Variants in DENND5A observed in about 807,000 individuals in gnomAD.
DENND5A encodes DENN domain containing 5A, also known as DENN domain-containing protein 5A.
DENND5A carries 64 observed loss-of-function variants against 140.3 expected under a neutral mutation model. That is an observed-to-expected ratio of 0.46 (90% CI 0.37 to 0.56). The LOEUF (loss-of-function observed/expected upper bound fraction) is 0.56, where lower values mean the gene tolerates loss of function less well. DENND5A is among the 20% of genes least tolerant of loss of function. The probability of loss-of-function intolerance (pLI) is 0.00; values close to 1 mark genes in which losing one functional copy is unlikely to be tolerated. For synonymous variants in DENND5A, 605 were observed against 607.7 expected (o/e 1.00, Z 0.07); for missense variants, 1,292 against 1,593.8 (o/e 0.81, Z 3.22).
intron 9 of DENND5A, 91 bp from the exon 10 acceptor site, chr11:9,170,040 T>A (rs1848320589): frequency 4.0e-6 from 4 of 990,502 alleles, no homozygotes; most frequent in Admixed American, 3.5e-5. Flanking sequence ...TGACTACGAG[T>A]CAATGCTGGA....
chr11:9,262,907 A>C (rs1292163009), intron 1 of DENND5A, among the ~76,000 whole-genome samples: 1 of 151,344 alleles, frequency 6.6e-6, no homozygotes, highest in African/African-American at 2.4e-5. Flanking sequence ...ACGCCCGGCT[A>C]ATTTTTTGTA....
intron 5 of DENND5A, among the ~76,000 whole-genome samples, chr11:9,183,306 T>C (rs998929471): frequency 6.6e-6 from 1 of 152,226 alleles, no homozygotes; most frequent in African/African-American, 2.4e-5. Context: ...GAGGATTATA[T>C]AACAATAAAT....
At chr11:9,216,406 G>A (rs534296368) in intron 1 of DENND5A, among the ~76,000 whole-genome samples, 1 of 152,268 alleles carries the variant, frequency 6.6e-6, no homozygotes, top group African/African-American at 2.4e-5. Context: ...AATGGAGGAT[G>A]GGGAGTGGCA....
chr11:9,203,393 C>T (rs1258680235), intron 4 of DENND5A: 6 of 367,678 alleles, frequency 1.6e-5, no homozygotes, highest in Non-Finnish European at 3.0e-5. Flanking sequence ...CCTACCCACC[C>T]CTCTTTTCAC....
intron 1 of DENND5A, among the ~76,000 whole-genome samples, chr11:9,235,215 T>C (rs1028190897): frequency 3.3e-5 from 5 of 152,082 alleles, no homozygotes; most frequent in African/African-American, 1.2e-4. Context: ...AGGCAAAAAG[T>C]GGAAACAACC....
chr11:9,148,702 A>C (rs1847511728), intron 15 of DENND5A, among the ~76,000 whole-genome samples: 1 of 152,240 alleles, frequency 6.6e-6, no homozygotes, highest in Non-Finnish European at 1.5e-5. Flanking sequence ...ATTAACAAAA[A>C]ATCTGAGAGT....
At chr11:9,173,261 AG>A (rs1373369272) in intron 8 of DENND5A, among the ~76,000 whole-genome samples, 2 of 152,242 alleles carry the variant, frequency 1.3e-5, no homozygotes, top group Admixed American at 6.5e-5. Flanking sequence ...GAAATGTTAA[AG>A]GAAGTCCTTC....
intron 8 of DENND5A, among the ~76,000 whole-genome samples, chr11:9,175,964 C>G (rs1280404133): frequency 3.9e-5 from 6 of 152,176 alleles, no homozygotes; most frequent in African/African-American, 1.4e-4. Flanking sequence ...TGGGCCTCAT[C>G]AAAATAAAAG....
At chr11:9,150,859 A>C (rs2136123768) in intron 13 of DENND5A, 95 bp from the exon 14 acceptor site, 5 of 676,876 alleles carry the variant, frequency 7.4e-6, no homozygotes, top group Non-Finnish European at 1.3e-5. Flanking sequence ...GCTATGGGAA[A>C]CAGGTGGTTA....
chr11:9,194,363 G>A (rs992267720), intron 4 of DENND5A, among the ~76,000 whole-genome samples: 5 of 152,100 alleles, frequency 3.3e-5, no homozygotes, highest in Non-Finnish European at 7.4e-5. Flanking sequence ...TCAGGAGTTC[G>A]AGACCAGACT....
At chr11:9,169,495 GCA>G (rs59297086) in intron 10 of DENND5A, among the ~76,000 whole-genome samples, 3,281 of 145,584 alleles carry the variant, frequency 0.023, 49 homozygotes, top group Middle Eastern at 0.076. Context: ...ATATACACAC[GCA>G]CACACACACA....
intron 22 of DENND5A, among the ~76,000 whole-genome samples, chr11:9,141,710 T>C (rs924995839): frequency 6.6e-6 from 1 of 152,200 alleles, no homozygotes; most frequent in Non-Finnish European, 1.5e-5. Context: ...TATAGGACCA[T>C]CATCCCATAA....
intron 6 of DENND5A, among the ~76,000 whole-genome samples, chr11:9,179,691 G>C (rs191976760): frequency 6.6e-6 from 1 of 152,072 alleles, no homozygotes; most frequent in Non-Finnish European, 1.5e-5. Context: ...TAGAGACGGG[G>C]TGTCTCCATG....
At chr11:9,206,928 A>C (rs1849710094) in intron 2 of DENND5A, 146 bp from the exon 3 acceptor site, 2 of 627,842 alleles carry the variant, frequency 3.2e-6, no homozygotes, top group African/African-American at 1.8e-5. Flanking sequence ...AAAAATAGGA[A>C]AGGCATTAAA....
At chr11:9,140,184 C>T in intron 22 of DENND5A, 1 of 1,367,736 alleles carries the variant, frequency 7.3e-7, no homozygotes, top group East Asian at 4.1e-5. Context: ...ATAATAAGCA[C>T]TAACCTCACA....
chr11:9,206,474 A>G lies in DENND5A; in HGVS notation c.291+199T>C, dbSNP rs556322336. Among the ~76,000 whole-genome samples the G allele has an allele frequency of 3.3e-5, 5 of 152,356 alleles. No individual in the cohort carries two copies. The South Asian group carries it at 1.0e-3, about 32-fold the overall frequency. On this transcript the variant is annotated intron_variant, in intron 3 of 22. Transcript: ENST00000328194. ...TTCTCTGACACAACAGAAACACATT[A>G]TAACTTTTAGCATATTTAATATATT...
At position 9,193,485 on chromosome 11, in the gene DENND5A, A is replaced by G. The variant is rs1272956390; in HGVS notation, c.1137+9T>C. The G allele has an allele frequency of 1.3e-6, 2 of 1,587,766 alleles. No individual in the cohort carries two copies. Among genetic ancestry groups the G allele is most frequent in the African/African-American group, 1.4e-5 (1 of 73,788 alleles). ...TTGGGGCCAGAGGCACCAACACTCA[A>G]GATCTCACCTCTTGAGGCAGCTCCA... On this transcript the variant is annotated intron_variant, in intron 5 of 22. Transcript: ENST00000328194.
chr11:9,150,673 T>C lies in DENND5A; in HGVS notation c.2606+7A>G, dbSNP rs1410409457. 6.2e-7 allele frequency: 1 copy of C among 1,604,910 alleles called. No individual in the cohort carries two copies. The highest frequency in any genetic ancestry group is 8.5e-7 in the Non-Finnish European group (1 of 1,172,242). On this transcript the variant is annotated splice_region_variant and intron_variant, in intron 14 of 22. Coordinates refer to ENST00000328194, the MANE Select transcript of DENND5A (RefSeq NM_015213.4). ...TAGTGGCTTATTACATGTGAGCCCA[T>C]ACTGACCTCATATCCTGAATCAGGG... is the stretch of plus-strand genomic sequence containing the variant.
At chr11:9,191,396 C>T (rs957341896) in intron 5 of DENND5A, among the ~76,000 whole-genome samples, 1 of 152,136 alleles carries the variant, frequency 6.6e-6, no homozygotes, top group Admixed American at 6.5e-5. Flanking sequence ...CACCACCATG[C>T]CCAGCTAATT....
Sources: gnomAD v4.1 joint callset for allele counts (sites outside exome capture counted in the v4.1 genomes callset) on GRCh38, gnomAD v4.1.1 for gene constraint, MANE v1.5 for transcripts, NCBI Gene and HGNC (gene_info 2026-07-23, HGNC 2026-07-21) for gene names.